The following NVL variants were observed in gnomAD, a reference collection of about 807,000 sequenced individuals.
NVL encodes nuclear VCP like.
Under a neutral mutation model 110.2 loss-of-function variants are expected in NVL, and 84 were observed. The observed-to-expected ratio is 0.76, with a 90% CI of 0.64 to 0.91. The LOEUF (loss-of-function observed/expected upper bound fraction) is 0.91. Ranked by LOEUF, NVL falls within the 40% of genes least tolerant of loss-of-function variation. The pLI is 0.00. For synonymous variants in NVL, 354 were observed against 361.1 expected (o/e 0.98, Z 0.22); for missense variants, 882 against 1,035.9 (o/e 0.85, Z 2.04).
At chr1:224,266,100 A>T (rs1417751150) in intron 18 of NVL, among the ~76,000 whole-genome samples, 6 of 152,256 alleles carry the variant, frequency 3.9e-5, no homozygotes, top group Admixed American at 3.9e-4. Flanking sequence ...ACAGATATTA[A>T]GCCCATCCTT....
chr1:224,275,284 A>G, intron 17 of NVL, 55 bp downstream of exon 17: 1 of 1,604,002 alleles, frequency 6.2e-7, no homozygotes, highest in Non-Finnish European at 8.5e-7. Context: ...CTTGGAACAT[A>G]GAAAAGGTTT....
chr1:224,238,685 T>G (rs188979130), intron 19 of NVL, among the ~76,000 whole-genome samples: 1 of 152,302 alleles, frequency 6.6e-6, no homozygotes, highest in East Asian at 1.9e-4. Flanking sequence ...GGTCAGAATG[T>G]AGGATTGCTA....
At chr1:224,294,540 C>T in intron 11 of NVL, 129 bp from the exon 12 acceptor site, 1 of 842,344 alleles carries the variant, frequency 1.2e-6, no homozygotes, top group Non-Finnish European at 1.8e-6. Flanking sequence ...ATAAAACCAA[C>T]ATTTATTAAA....
At position 224,250,248 on chromosome 1, in the gene NVL, A is replaced by AG; in HGVS notation, c.2252dup (p.Ala752CysfsTer31). The AG allele has an allele frequency of 6.2e-7, 1 of 1,610,138 alleles. No individual in the cohort carries two copies. Among genetic ancestry groups the AG allele is most frequent in the Non-Finnish European group, 8.5e-7 (1 of 1,178,428 alleles). On this transcript the variant is annotated frameshift_variant, in exon 19 of 23. Coordinates refer to ENST00000281701, the MANE Select transcript of NVL (RefSeq NM_002533.4). LOFTEE classifies it high-confidence loss of function. ...TTTTTAAGATGGCAAGGCGATCTGC[A>AG]GGGGGCGGTAAACCCACAAACAGTG...
At chr1:224,241,080 C>A (rs139078932) in intron 19 of NVL, among the ~76,000 whole-genome samples, 1 of 152,268 alleles carries the variant, frequency 6.6e-6, no homozygotes, top group African/African-American at 2.4e-5. Context: ...CAAGCTACCA[C>A]GCTCAGCCAA....
At chr1:224,298,333 G>A in intron 10 of NVL, 1 of 211,764 alleles carries the variant, frequency 4.7e-6, no homozygotes, top group Non-Finnish European at 9.3e-6. Flanking sequence ...ACGTTATCCA[G>A]CATGCTGCTG....
chr1:224,257,037 T>A, intron 18 of NVL: 2 of 528,648 alleles, frequency 3.8e-6, no homozygotes, highest in Admixed American at 3.9e-5. Context: ...ACAGAATTCT[T>A]TTTTTTTCCT....
chr1:224,307,923 A>G, intron 6 of NVL, 68 bp downstream of exon 6: 1 of 1,425,862 alleles, frequency 7.0e-7, no homozygotes, highest in Admixed American at 2.4e-5. Flanking sequence ...TCTGATTGAT[A>G]TTATATTCAA....
intron 18 of NVL, among the ~76,000 whole-genome samples, chr1:224,265,365 G>A (rs908462483): frequency 2.6e-5 from 4 of 151,982 alleles, no homozygotes; most frequent in Admixed American, 1.3e-4. Flanking sequence ...TTAGCTAGGC[G>A]TAGTGGCACG....
At chr1:224,286,166 G>A (rs933963363) in intron 14 of NVL, 36 bp from the exon 15 acceptor site, 1 of 1,448,078 alleles carries the variant, frequency 6.9e-7, no homozygotes. Flanking sequence ...TCCATTACAT[G>A]TCCATTTTAT....
intron 18 of NVL, among the ~76,000 whole-genome samples, chr1:224,255,564 C>T (rs990455173): frequency 1.3e-5 from 2 of 152,120 alleles, no homozygotes; most frequent in African/African-American, 4.8e-5. Flanking sequence ...TGTGGTTTAT[C>T]TTTATATTCT....
intron 18 of NVL, among the ~76,000 whole-genome samples, chr1:224,254,970 C>T (rs548531885): frequency 2.0e-5 from 3 of 147,132 alleles, no homozygotes; most frequent in Admixed American, 6.9e-5. Context: ...CTCCCAGGTT[C>T]AAGCGATTCT....
intron 2 of NVL, among the ~76,000 whole-genome samples, chr1:224,320,664 T>C (rs1670556474): frequency 6.6e-6 from 1 of 151,966 alleles, no homozygotes; most frequent in African/African-American, 2.4e-5. Flanking sequence ...AAAAAAACTT[T>C]ATGTTTTTGA....
At chr1:224,270,601 A>G (rs1383152387) in intron 17 of NVL, among the ~76,000 whole-genome samples, 1 of 152,094 alleles carries the variant, frequency 6.6e-6, no homozygotes, top group Non-Finnish European at 1.5e-5. Flanking sequence ...AATATTCTAT[A>G]TAATAAAATT....
intron 15 of NVL, among the ~76,000 whole-genome samples, chr1:224,283,404 G>C (rs948501381): frequency 2.6e-5 from 4 of 152,058 alleles, no homozygotes; most frequent in Non-Finnish European, 5.9e-5. Flanking sequence ...GGAGAATGGC[G>C]TGAACCCAGG....
intron 2 of NVL, among the ~76,000 whole-genome samples, chr1:224,324,351 AG>A (rs1174859322): frequency 6.6e-6 from 1 of 152,260 alleles, no homozygotes; most frequent in Non-Finnish European, 1.5e-5. Flanking sequence ...ACAGGTTAAT[AG>A]ATGAAGAGGA....
chr1:224,270,236 T>C (rs1664948391), intron 17 of NVL, among the ~76,000 whole-genome samples: 1 of 152,136 alleles, frequency 6.6e-6, no homozygotes, highest in Admixed American at 6.5e-5. Flanking sequence ...AATACAAGAA[T>C]GACTGATAGA....
At chr1:224,326,107 G>C (rs1671120208) in intron 2 of NVL, among the ~76,000 whole-genome samples, 1 of 152,154 alleles carries the variant, frequency 6.6e-6, no homozygotes, top group Non-Finnish European at 1.5e-5. Flanking sequence ...ATTTTCTAAT[G>C]TAGCAGGAAA....
chr1:224,313,063 G>A (rs1331869677), intron 4 of NVL: 4 of 392,434 alleles, frequency 1.0e-5, no homozygotes, highest in African/African-American at 8.3e-5. Context: ...TGAGGCTGCG[G>A]TGGGAGGATC....
Sources: gnomAD v4.1 joint callset for allele counts (sites outside exome capture counted in the v4.1 genomes callset) on GRCh38, gnomAD v4.1.1 for gene constraint, MANE v1.5 for transcripts, NCBI Gene and HGNC (gene_info 2026-07-23, HGNC 2026-07-21) for gene names.